RBFOX1: variants seen among roughly 807,000 people sequenced by gnomAD.
RBFOX1 encodes RNA binding fox-1 homolog 1, also known as RNA binding protein fox-1 homolog 1.
RBFOX1 carries 8 observed loss-of-function variants against 57.7 expected under a neutral mutation model. The observed-to-expected ratio is 0.14, with a 90% confidence interval of 0.08 to 0.25. The LOEUF is 0.25. Ranked by LOEUF, RBFOX1 falls within the 10% of genes least tolerant of loss-of-function variation. RBFOX1 has a pLI of 1.00. For synonymous variants in RBFOX1, 326 were observed against 222.4 expected (o/e 1.47, Z -4.15); for missense variants, 611 against 548.5 (o/e 1.11, Z -1.14).
chr16:5,754,440 C>T (rs1046757574), intron 3 of RBFOX1, among the ~76,000 whole-genome samples: 9 of 150,026 alleles, frequency 6.0e-5, no homozygotes, highest in Non-Finnish European at 8.9e-5. Flanking sequence ...TAAGGTGGGA[C>T]GAGAGATTTG....
rs141168334 is a variant in RBFOX1, at chr16:6,612,670, G to C, written c.-63-41933G>C. Among the ~76,000 whole-genome samples the C allele has an allele frequency of 1.3e-3, 195 of 151,902 alleles. 1 individual carries two copies. In the Middle Eastern group the frequency reaches 0.017, roughly 13 times the overall value. On this transcript the variant is annotated intron_variant, in intron 2 of 15. Transcript: ENST00000550418. ...AGTTCAAGATCAGCCTGGCCAACATGACAAAACCCCTCCTCTACTAAAAAT... is the reference window on the plus strand; with the variant it reads ...AGTTCAAGATCAGCCTGGCCAACATCACAAAACCCCTCCTCTACTAAAAAT...
At chr16:6,091,436 A>C (rs975797302) in intron 1 of RBFOX1, among the ~76,000 whole-genome samples, 1 of 152,176 alleles carries the variant, frequency 6.6e-6, no homozygotes, top group Non-Finnish European at 1.5e-5. Context: ...ACTCCTTTAC[A>C]GGATTTTCTA....
At chr16:5,859,379 C>T (rs1816549) in intron 3 of RBFOX1, among the ~76,000 whole-genome samples, 72,743 of 151,970 alleles carry the variant, frequency 0.48, 17,797 homozygotes, top group East Asian at 0.71. Flanking sequence ...CTAAGCCAGA[C>T]GTTCCCATTG....
chr16:7,653,744 C>T, intron 11 of RBFOX1, 71 bp from the exon 12 acceptor site: 4 of 1,592,416 alleles, frequency 2.5e-6, no homozygotes, highest in Non-Finnish European at 3.4e-6. Flanking sequence ...GTTCCCGGGG[C>T]AGTTCCCTCC....
intron 3 of RBFOX1, chr16:6,776,119 A>C (rs2079288712): frequency 6.6e-6 from 1 of 152,604 alleles, no homozygotes; most frequent in Non-Finnish European, 1.5e-5. Context: ...AGTACAAGAA[A>C]GAATACACTG....
chr16:6,825,876 G>C (rs542623081), intron 3 of RBFOX1, among the ~76,000 whole-genome samples: 1 of 152,216 alleles, frequency 6.6e-6, no homozygotes, highest in African/African-American at 2.4e-5. Context: ...GGAGCCTTCT[G>C]ATGTAGGTGG....
chr16:5,855,443 A>T (rs1328357198), intron 3 of RBFOX1, among the ~76,000 whole-genome samples: 1 of 152,112 alleles, frequency 6.6e-6, no homozygotes, highest in Non-Finnish European at 1.5e-5. Context: ...TTGCCTGTGG[A>T]TATCCAGTTT....
chr16:6,929,185 T>C (rs982929460), intron 3 of RBFOX1, among the ~76,000 whole-genome samples: 2 of 152,106 alleles, frequency 1.3e-5, no homozygotes, highest in Non-Finnish European at 2.9e-5. Context: ...GCAAACACAT[T>C]CTACTCTTTG....
intron 1 of RBFOX1, among the ~76,000 whole-genome samples, chr16:5,355,320 A>T (rs1307934099): frequency 6.6e-6 from 1 of 152,138 alleles, no homozygotes; most frequent in African/African-American, 2.4e-5. Flanking sequence ...GGACGCAGGG[A>T]CTATGGGCCG....
chr16:6,540,040 T>C (rs1228139691), intron 2 of RBFOX1, among the ~76,000 whole-genome samples: 1 of 152,112 alleles, frequency 6.6e-6, no homozygotes, highest in Non-Finnish European at 1.5e-5. Flanking sequence ...CAACAGTCTC[T>C]GTCCTGGGTA....
chr16:6,562,547 A>G (rs1053328999), intron 2 of RBFOX1, among the ~76,000 whole-genome samples: 4 of 152,238 alleles, frequency 2.6e-5, no homozygotes, highest in African/African-American at 9.6e-5. Flanking sequence ...GAAGTAAATG[A>G]AGACACGATG....
chr16:6,676,930 C>T (rs1219724350), intron 3 of RBFOX1, among the ~76,000 whole-genome samples: 1 of 152,010 alleles, frequency 6.6e-6, no homozygotes, highest in Non-Finnish European at 1.5e-5. Flanking sequence ...CCCACCTCGG[C>T]CTCCCAAAGT....
chr16:6,520,899 C>T (rs186059199), intron 2 of RBFOX1, among the ~76,000 whole-genome samples: 4 of 152,124 alleles, frequency 2.6e-5, no homozygotes, highest in South Asian at 4.2e-4. Context: ...AGAAAAAAAT[C>T]CAATAAAATT....
At chr16:6,521,240 C>G (rs994654932) in intron 2 of RBFOX1, among the ~76,000 whole-genome samples, 2 of 152,062 alleles carry the variant, frequency 1.3e-5, no homozygotes, top group African/African-American at 2.4e-5. Context: ...CTAGGCTGTG[C>G]TACTGTTGCT....
chr16:5,568,798 C>A (rs1315278608), intron 2 of RBFOX1, among the ~76,000 whole-genome samples: 1 of 152,096 alleles, frequency 6.6e-6, no homozygotes, highest in East Asian at 1.9e-4. Flanking sequence ...TCACTCCTCC[C>A]ACCAAATGAC....
intron 1 of RBFOX1, among the ~76,000 whole-genome samples, chr16:6,023,133 C>T (rs567458426): frequency 1.4e-4 from 21 of 152,066 alleles, no homozygotes; most frequent in Admixed American, 3.3e-4. Flanking sequence ...GTCCGTAGAA[C>T]GTACAGTTTT....
chr16:6,337,586 C>T (rs1213632397), intron 2 of RBFOX1, among the ~76,000 whole-genome samples: 1 of 152,154 alleles, frequency 6.6e-6, no homozygotes, highest in Non-Finnish European at 1.5e-5. Flanking sequence ...ACAAGCAGCC[C>T]AGTAGAGGCA....
At chr16:6,504,026 T>C (rs972950865) in intron 2 of RBFOX1, among the ~76,000 whole-genome samples, 1 of 152,206 alleles carries the variant, frequency 6.6e-6, no homozygotes, top group Non-Finnish European at 1.5e-5. Flanking sequence ...TACGTATGCA[T>C]CTTTCTTATC....
intron 4 of RBFOX1, among the ~76,000 whole-genome samples, chr16:7,305,129 G>C (rs1228996424): frequency 1.3e-5 from 2 of 152,062 alleles, no homozygotes; most frequent in Non-Finnish European, 2.9e-5. Flanking sequence ...TTGTGTGTGT[G>C]TGCGTGTGTG....
Sources: allele counts gnomAD v4.1 joint callset (sites outside exome capture counted in the v4.1 genomes callset), GRCh38; gene constraint gnomAD v4.1.1; transcripts MANE v1.5; gene names NCBI Gene and HGNC (gene_info 2026-07-23, HGNC 2026-07-21).